Variants in TTLL5 observed in about 807,000 individuals in gnomAD.
TTLL5 encodes tubulin polyglutamylase TTLL5.
A neutral mutation model predicts 168.4 loss-of-function variants in TTLL5; 132 were observed. That is an observed-to-expected ratio of 0.78 (90% CI 0.68 to 0.91). TTLL5 has a LOEUF of 0.91. TTLL5 is among the 40% of genes least tolerant of loss of function. TTLL5 has a pLI of 0.00. For synonymous variants in TTLL5, 546 were observed against 558.6 expected (o/e 0.98, Z 0.32); for missense variants, 1,545 against 1,581.5 (o/e 0.98, Z 0.39).
chr14:75,914,033 A>AAAAAAAAAAAAAATAT, intron 31 of TTLL5, among the ~76,000 whole-genome samples: 1 of 71,118 alleles, frequency 1.4e-5, no homozygotes, highest in African/African-American at 1.6e-4. Flanking sequence ...AAAAAAAAAA[A>AAAAAAAAAAAAAATAT]ATATATATAT....
chr14:75,769,617 A>T (rs944387664), intron 20 of TTLL5, among the ~76,000 whole-genome samples: 2 of 152,324 alleles, frequency 1.3e-5, no homozygotes, highest in South Asian at 4.1e-4. Context: ...TAATCCCCTT[A>T]TTTAAAAGAT....
chr14:75,775,758 G>A (rs890576547), intron 22 of TTLL5, 128 bp downstream of exon 22: 2 of 1,177,334 alleles, frequency 1.7e-6, no homozygotes, highest in Middle Eastern at 2.5e-4. Flanking sequence ...CATCCCTTAT[G>A]TATTACTGTT....
intron 29 of TTLL5, among the ~76,000 whole-genome samples, chr14:75,879,047 C>T (rs1417539098): frequency 6.6e-6 from 1 of 151,998 alleles, no homozygotes; most frequent in South Asian, 2.1e-4. Context: ...TAATTTTTTC[C>T]ATTTATTAAG....
chr14:75,689,413 T>G (rs375445484), intron 5 of TTLL5: 2 of 152,264 alleles, frequency 1.3e-5, no homozygotes, highest in African/African-American at 4.8e-5. Context: ...TAGGGTAATT[T>G]GTTGTACAGC....
chr14:75,833,911 C>A (rs1480233277), intron 28 of TTLL5, among the ~76,000 whole-genome samples: 1 of 152,144 alleles, frequency 6.6e-6, no homozygotes, highest in African/African-American at 2.4e-5. Flanking sequence ...GTTTGAGTTT[C>A]CTTTCTTTAG....
chr14:75,887,319 C>T, intron 30 of TTLL5: 8 of 985,002 alleles, frequency 8.1e-6, no homozygotes, highest in Non-Finnish European at 9.6e-6. Context: ...ATCTTTTTAA[C>T]ATATGAGTCA....
At chr14:75,819,972 G>T (rs1316040690) in intron 27 of TTLL5, 35 bp from the exon 28 acceptor site, 1 of 1,564,332 alleles carries the variant, frequency 6.4e-7, no homozygotes, top group African/African-American at 1.4e-5. Flanking sequence ...TAAAAACTCT[G>T]TAAAGTCAGG....
intron 20 of TTLL5, among the ~76,000 whole-genome samples, chr14:75,771,439 T>C (rs1227408288): frequency 6.6e-6 from 1 of 152,080 alleles, no homozygotes; most frequent in Non-Finnish European, 1.5e-5. Context: ...AAAAAAAAAT[T>C]TCAAAGAGAA....
intron 31 of TTLL5, among the ~76,000 whole-genome samples, chr14:75,925,127 C>T (rs1234083497): frequency 6.9e-6 from 1 of 145,644 alleles, no homozygotes; most frequent in Non-Finnish European, 1.5e-5. Flanking sequence ...GGCGGCTGGC[C>T]GGGCGGGTGG....
At chr14:75,783,771 G>A (rs1479451687) in intron 26 of TTLL5, among the ~76,000 whole-genome samples, 2 of 152,140 alleles carry the variant, frequency 1.3e-5, no homozygotes, top group African/African-American at 4.8e-5. Context: ...ATCTGACAAG[G>A]CTTCTGTTCA....
At position 75,766,285 on chromosome 14, in the gene TTLL5, T is replaced by G. The variant is rs1242487126; in HGVS notation, c.1932T>G (p.Gly644=). ...AAGTTCGTGAATGGAATAATAAAGGTGGACACTGCTGCAAACTTGAGACTC... is the reference window on the plus strand; with the variant it reads ...AAGTTCGTGAATGGAATAATAAAGGGGGACACTGCTGCAAACTTGAGACTC... ...SMKVREWNNK[G]GHCCKLETQE... is the part of the protein sequence containing the mutation. The change falls in exon 20 of 32, where the codon GGT becomes GGG. Residue 644 remains glycine, a synonymous_variant. Coordinates refer to ENST00000298832, the MANE Select transcript of TTLL5 (RefSeq NM_015072.5). The G allele has an allele frequency of 6.2e-7, 1 of 1,613,912 alleles. No homozygotes were observed. Among genetic ancestry groups the G allele is most frequent in the African/African-American group, 1.3e-5 (1 of 74,898 alleles).
intron 5 of TTLL5, chr14:75,685,062 G>C (rs1350563870): frequency 6.6e-6 from 1 of 152,122 alleles, no homozygotes; most frequent in Admixed American, 6.5e-5. Flanking sequence ...TCTTGATGTT[G>C]TTTAGGTTCC....
At chr14:75,898,180 G>C (rs891009192) in intron 30 of TTLL5, among the ~76,000 whole-genome samples, 1 of 152,166 alleles carries the variant, frequency 6.6e-6, no homozygotes, top group African/African-American at 2.4e-5. Flanking sequence ...TATACATTCA[G>C]CTATTCAGAG....
intron 17 of TTLL5, among the ~76,000 whole-genome samples, chr14:75,746,157 A>G (rs1165584311): frequency 1.3e-5 from 2 of 152,226 alleles, no homozygotes; most frequent in Admixed American, 6.5e-5. Flanking sequence ...CATAAATGGA[A>G]TCATACAGTA....
intron 31 of TTLL5, among the ~76,000 whole-genome samples, chr14:75,932,866 G>A (rs1189675785): frequency 1.3e-5 from 2 of 152,182 alleles, no homozygotes; most frequent in African/African-American, 2.4e-5. Context: ...GCCTGTGAGA[G>A]CGTTGTTGGT....
intron 28 of TTLL5, chr14:75,835,283 G>A (rs1185162665): frequency 6.6e-6 from 1 of 152,200 alleles, no homozygotes; most frequent in Non-Finnish European, 1.5e-5. Context: ...TCACCTGGTG[G>A]AATCAATATT....
At chr14:75,837,199 G>A (rs75910789) in intron 28 of TTLL5, 2,332 of 152,268 alleles carry the variant, frequency 0.015, 20 homozygotes, top group South Asian at 0.025. Flanking sequence ...TCTCATATGC[G>A]TAATGAGTTC....
intron 6 of TTLL5, among the ~76,000 whole-genome samples, chr14:75,695,201 G>A (rs1254434537): frequency 2.6e-5 from 4 of 152,180 alleles, no homozygotes; most frequent in Non-Finnish European, 2.9e-5. Flanking sequence ...GGCCACTCTA[G>A]GAATGTCTGT....
intron 31 of TTLL5, among the ~76,000 whole-genome samples, chr14:75,945,858 G>A (rs2034756012): frequency 6.6e-6 from 1 of 152,140 alleles, no homozygotes; most frequent in South Asian, 2.1e-4. Context: ...TGGAGGGAGT[G>A]GAAGGATTAC....
Sources: allele counts gnomAD v4.1 joint callset (sites outside exome capture counted in the v4.1 genomes callset), GRCh38; gene constraint gnomAD v4.1.1; transcripts MANE v1.5; gene names NCBI Gene and HGNC (gene_info 2026-07-23, HGNC 2026-07-21).